Variants in PRSS23 observed in about 807,000 individuals in gnomAD.
PRSS23 encodes serine protease 23, also known as protease, serine 23.
In PRSS23, 25 loss-of-function variants were observed where a neutral mutation model predicts 34.7. The observed-to-expected ratio is 0.72, with a 90% CI of 0.53 to 1.01. PRSS23 has a LOEUF of 1.01. PRSS23 is among the 50% of genes least tolerant of loss of function. The pLI, the probability that PRSS23 is intolerant of heterozygous loss-of-function variation, is 0.00. For missense variants in PRSS23, 445 were observed against 475.6 expected, an observed-to-expected ratio of 0.94 and a Z score of 0.60; for synonymous variants, 176 against 186.6, an observed-to-expected ratio of 0.94 and a Z score of 0.46.
At chr11:86,943,419 G>A (rs1202872854) in intron 2 of PRSS23, among the ~76,000 whole-genome samples, 1 of 152,150 alleles carries the variant, frequency 6.6e-6, no homozygotes, top group African/African-American at 2.4e-5. Context: ...GAGGTCAGGA[G>A]TTCAAGACCA....
At chr11:86,932,027 G>A (rs61903827) in intron 2 of PRSS23, among the ~76,000 whole-genome samples, 10,614 of 152,198 alleles carry the variant, frequency 0.07, 522 homozygotes, top group Middle Eastern at 0.12. Context: ...AGTGAGGACC[G>A]AGTCTAACTT....
chr11:86,935,401 G>A (rs1949154745), intron 2 of PRSS23: 1 of 22,396 alleles, frequency 4.5e-5, no homozygotes, highest in Non-Finnish European at 1.5e-4. Flanking sequence ...TGCTGTGGAC[G>A]GCAAAGGCAA....
At chr11:86,846,537 G>T (rs1222076484) in intron 2 of PRSS23, among the ~76,000 whole-genome samples, 2 of 152,134 alleles carry the variant, frequency 1.3e-5, no homozygotes, top group Admixed American at 6.5e-5. Context: ...ACACCTGGGA[G>T]TGCTCAGTGG....
At chr11:86,846,565 A>T (rs1444785480) in intron 2 of PRSS23, among the ~76,000 whole-genome samples, 1 of 152,158 alleles carries the variant, frequency 6.6e-6, no homozygotes, top group East Asian at 1.9e-4. Context: ...AGTCTCCCAG[A>T]TATCCTAGTT....
chr11:86,841,780 G>A (rs1210314526), intron 2 of PRSS23, among the ~76,000 whole-genome samples: 2 of 152,126 alleles, frequency 1.3e-5, no homozygotes, highest in Admixed American at 1.3e-4. Flanking sequence ...TGAAATTGAG[G>A]CAATAATTAA....
At chr11:86,826,482 A>G (rs1948301933) in intron 2 of PRSS23, among the ~76,000 whole-genome samples, 1 of 152,080 alleles carries the variant, frequency 6.6e-6, no homozygotes, top group African/African-American at 2.4e-5. Context: ...AATACCCTTT[A>G]TTTCCTTCTC....
intron 2 of PRSS23, chr11:86,909,157 C>G (rs577787344): frequency 6.6e-6 from 1 of 152,296 alleles, no homozygotes; most frequent in Non-Finnish European, 1.5e-5. Context: ...CTAGCCACAG[C>G]CTGCCTGGCC....
chr11:86,932,045 A>T (rs1408045964), intron 2 of PRSS23, among the ~76,000 whole-genome samples: 1 of 152,184 alleles, frequency 6.6e-6, no homozygotes, highest in African/African-American at 2.4e-5. Flanking sequence ...CTTAACCCCT[A>T]TCAAAATTTG....
At chr11:86,898,194 T>A (rs1948889066) in intron 2 of PRSS23, among the ~76,000 whole-genome samples, 1 of 152,222 alleles carries the variant, frequency 6.6e-6, no homozygotes, top group African/African-American at 2.4e-5. Flanking sequence ...TCTAGGTCAG[T>A]GTTTATAATG....
chr11:86,843,921 C>A (rs186740218), intron 2 of PRSS23, among the ~76,000 whole-genome samples: 1 of 152,270 alleles, frequency 6.6e-6, no homozygotes, highest in East Asian at 1.9e-4. Flanking sequence ...TGGGTATATA[C>A]CCAAAGGATT....
intron 2 of PRSS23, among the ~76,000 whole-genome samples, chr11:86,928,991 TAC>T (rs1949104184): frequency 6.6e-6 from 1 of 151,918 alleles, no homozygotes; most frequent in South Asian, 2.1e-4. Flanking sequence ...TATGAAGTGG[TAC>T]AATCCCATGG....
At chr11:86,835,399 G>C (rs974798463) in intron 2 of PRSS23, among the ~76,000 whole-genome samples, 2 of 152,204 alleles carry the variant, frequency 1.3e-5, no homozygotes, top group Non-Finnish European at 2.9e-5. Context: ...GACTCCTAGA[G>C]CTATTCCTGT....
chr11:86,831,974 G>A (rs149128144), intron 2 of PRSS23, among the ~76,000 whole-genome samples: 2 of 151,720 alleles, frequency 1.3e-5, no homozygotes, highest in African/African-American at 4.8e-5. Context: ...TAATATCCTA[G>A]GGGGACCTTA....
chr11:86,888,130 AAC>A (rs372893845), intron 2 of PRSS23, among the ~76,000 whole-genome samples: 43,946 of 146,940 alleles, frequency 0.3, 7,160 homozygotes, highest in Non-Finnish European at 0.37. Flanking sequence ...AAAAAAACAA[AAC>A]AAAACAAAAC....
intron 2 of PRSS23, among the ~76,000 whole-genome samples, chr11:86,916,585 G>T (rs976817866): frequency 3.3e-5 from 5 of 152,162 alleles, no homozygotes; most frequent in Non-Finnish European, 7.4e-5. Context: ...CAAAAAGATG[G>T]TTAGTGGAAA....
chr11:86,851,480 G>A lies in PRSS23; in HGVS notation c.206+27887G>A, dbSNP rs556916142. 2.0e-5 allele frequency among the ~76,000 whole-genome samples: 3 copies of A among 152,346 alleles called. No homozygotes were observed. The East Asian group carries it at 5.8e-4, about 29-fold the overall frequency. On this transcript the variant is annotated intron_variant, in intron 2 of 2. Coordinates refer to the PRSS23 transcript ENST00000533902. ...CCAAAGGGAAGGGCACAGTGAGCAG[G>A]GGCATCTGCCCGAGTGACAAGGATT...
intron 2 of PRSS23, among the ~76,000 whole-genome samples, chr11:86,878,461 C>T (rs1026102154): frequency 4.6e-5 from 7 of 152,112 alleles, no homozygotes; most frequent in East Asian, 3.9e-4. Context: ...GACGGGGTTT[C>T]GCTGTGTTGG....
At position 86,828,498 on chromosome 11, in the gene PRSS23, A is replaced by T. The variant is rs1387175996; in HGVS notation, c.206+4905A>T. Among the ~76,000 whole-genome samples, 85 of 152,256 alleles carry T rather than the reference A, an allele frequency of 5.6e-4. No individual in the cohort carries two copies. In the East Asian group the frequency reaches 0.015, roughly 27 times the overall value. ...TGGAGCATTTAGTCCATTTACATTT[A>T]AAGTTAATATTGTTATGTGTGAATT... On this transcript the variant is annotated intron_variant, in intron 2 of 2. Coordinates refer to the PRSS23 transcript ENST00000533902.
chr11:86,882,001 T>A (rs533983975), intron 2 of PRSS23, among the ~76,000 whole-genome samples: 118 of 152,326 alleles, frequency 7.7e-4, no homozygotes, highest in Admixed American at 2.9e-3. Flanking sequence ...TTGTTCATGG[T>A]CAGCCCACTT....
Sources: gnomAD v4.1 joint callset for allele counts (sites outside exome capture counted in the v4.1 genomes callset) on GRCh38, gnomAD v4.1.1 for gene constraint, MANE v1.5 for transcripts, NCBI Gene and HGNC (gene_info 2026-07-23, HGNC 2026-07-21) for gene names.